The following ENTREP1 variants were observed in gnomAD, a reference collection of about 807,000 sequenced individuals.
ENTREP1 encodes the protein Friedreich ataxia region gene X123.
the ENTREP1 span, among the ~76,000 whole-genome samples, chr9:69,362,674 G>C: frequency 6.6e-6 from 1 of 152,142 alleles, no homozygotes; most frequent in African/African-American, 2.4e-5. Flanking sequence ...GTGTCTGTGA[G>C]GGTGTTGCCA....
the ENTREP1 span, among the ~76,000 whole-genome samples, chr9:69,326,520 G>C: frequency 6.6e-6 from 1 of 152,062 alleles, no homozygotes; most frequent in Admixed American, 6.6e-5. Flanking sequence ...GCCAAAGAGT[G>C]CCCAACTTCA....
At chr9:69,352,083 G>A in the ENTREP1 span, among the ~76,000 whole-genome samples, 3 of 151,824 alleles carry the variant, frequency 2.0e-5, no homozygotes, top group Non-Finnish European at 2.9e-5. Flanking sequence ...CAGTGATTCT[G>A]ATTGACATCT....
chr9:69,377,891 A>G, the ENTREP1 span: 8 of 773,376 alleles, frequency 1.0e-5, no homozygotes, highest in East Asian at 5.6e-5. Context: ...CGTTAGCCCA[A>G]TGAGTGACAA....
At chr9:69,383,833 C>T in the ENTREP1 span, 1 of 1,587,706 alleles carries the variant, frequency 6.3e-7, no homozygotes. Context: ...ACCCCCTGCC[C>T]CCAGAGAACA....
At chr9:69,340,653 ATGTGTGTGTG>A in the ENTREP1 span, among the ~76,000 whole-genome samples, 1 of 98,736 alleles carries the variant, frequency 1.0e-5, no homozygotes, top group Non-Finnish European at 2.2e-5. Context: ...GTGTGTGTGC[ATGTGTGTGTG>A]TGCGTGTGTG....
At chr9:69,380,986 C>A in the ENTREP1 span, 1 of 152,256 alleles carries the variant, frequency 6.6e-6, no homozygotes, top group Non-Finnish European at 1.5e-5. Flanking sequence ...TCCCCCTCTG[C>A]AGGCAGCAAC....
chr9:69,328,884 C>T, the ENTREP1 span, among the ~76,000 whole-genome samples: 6 of 152,150 alleles, frequency 3.9e-5, no homozygotes, highest in African/African-American at 1.4e-4. Context: ...CCACCACCCC[C>T]ACCCCTAGCC....
At chr9:69,371,398 ATG>A in the ENTREP1 span, 7 of 897,380 alleles carry the variant, frequency 7.8e-6, no homozygotes, top group East Asian at 2.4e-5. Flanking sequence ...TTTTAAAAAA[ATG>A]TTCTCTTGGA....
chr9:69,339,562 C>T, the ENTREP1 span, among the ~76,000 whole-genome samples: 1 of 152,180 alleles, frequency 6.6e-6, no homozygotes. Context: ...CATTTTCCCC[C>T]TCAAGCCCCT....
At chr9:69,349,425 G>A in the ENTREP1 span, among the ~76,000 whole-genome samples, 10 of 152,146 alleles carry the variant, frequency 6.6e-5, no homozygotes, top group South Asian at 6.2e-4. Context: ...GTTTCTCCAC[G>A]GTTTTGCCAA....
At chr9:69,387,524 A>C in the ENTREP1 span, 1 of 191,496 alleles carries the variant, frequency 5.2e-6, no homozygotes, top group Admixed American at 5.4e-5. Flanking sequence ...TAGAGCCTGC[A>C]GTGGATTTCC....
At chr9:69,350,525 A>G in the ENTREP1 span, among the ~76,000 whole-genome samples, 3 of 152,172 alleles carry the variant, frequency 2.0e-5, no homozygotes, top group Non-Finnish European at 4.4e-5. Flanking sequence ...TGTTGCACAG[A>G]TGTCATCTGA....
chr9:69,367,890 T>TATATACACATATATATATAC, the ENTREP1 span, among the ~76,000 whole-genome samples: 2 of 144,956 alleles, frequency 1.4e-5, no homozygotes, highest in African/African-American at 5.1e-5. Context: ...TATACACATA[T>TATATACACATATATATATAC]ATATATACAT....
chr9:69,391,097 T>G, the ENTREP1 span, among the ~76,000 whole-genome samples: 1 of 152,218 alleles, frequency 6.6e-6, no homozygotes, highest in Non-Finnish European at 1.5e-5. Context: ...GTTGACATTT[T>G]ATAAACCCAT....
At chr9:69,343,412 A>C in the ENTREP1 span, among the ~76,000 whole-genome samples, 4 of 152,160 alleles carry the variant, frequency 2.6e-5, no homozygotes, top group East Asian at 1.9e-4. Flanking sequence ...CAAGGAGAGA[A>C]TATTTACAGG....
chr9:69,326,715 CT>C, the ENTREP1 span, among the ~76,000 whole-genome samples: 1,889 of 149,704 alleles, frequency 0.013, 36 homozygotes, highest in African/African-American at 0.042. Flanking sequence ...CTCTTTATAT[CT>C]TTTTTTTTTA....
At chr9:69,371,667 C>T in the ENTREP1 span, 18 of 1,126,810 alleles carry the variant, frequency 1.6e-5, no homozygotes, top group Non-Finnish European at 2.2e-5. Flanking sequence ...GTCAGGTGTT[C>T]CTGGCGAGAC....
the ENTREP1 span, among the ~76,000 whole-genome samples, chr9:69,376,179 C>T: frequency 6.6e-6 from 1 of 152,196 alleles, no homozygotes; most frequent in Non-Finnish European, 1.5e-5. Context: ...TGCATACGTA[C>T]ATATGTATAC....
At chr9:69,356,050 G>A in the ENTREP1 span, among the ~76,000 whole-genome samples, 10 of 152,186 alleles carry the variant, frequency 6.6e-5, no homozygotes, top group Non-Finnish European at 1.2e-4. Context: ...CGTGTTCACA[G>A]TGTTGTGCTG....
Sources: gnomAD v4.1 joint callset for allele counts (sites outside exome capture counted in the v4.1 genomes callset) on GRCh38, gnomAD v4.1.1 for gene constraint, MANE v1.5 for transcripts, NCBI Gene and HGNC (gene_info 2026-07-23, HGNC 2026-07-21) for gene names.